ANGPT2: variants seen among roughly 807,000 people sequenced by gnomAD.
The protein encoded by ANGPT2 is angiopoietin-2.
Under a neutral mutation model 62.9 loss-of-function variants are expected in ANGPT2, and 28 were observed. That is an observed-to-expected ratio of 0.44 (90% CI 0.33 to 0.61). ANGPT2 has a LOEUF of 0.61. Among genes scored for constraint, ANGPT2 ranks in the 20% least tolerant of loss-of-function variants. The probability of loss-of-function intolerance (pLI) is 0.03; values close to 1 mark genes in which losing one functional copy is unlikely to be tolerated. For missense variants in ANGPT2, 727 were observed against 594.9 expected, an observed-to-expected ratio of 1.22 and a Z score of -2.31; for synonymous variants, 284 against 207.8, an observed-to-expected ratio of 1.37 and a Z score of -3.15.
intron 1 of ANGPT2, among the ~76,000 whole-genome samples, chr8:6,551,920 T>C (rs1823717718): frequency 6.6e-6 from 1 of 152,212 alleles, no homozygotes; most frequent in African/African-American, 2.4e-5. Context: ...ATGTAATAAT[T>C]TTTTGAGATT....
At chr8:6,516,081 C>T (rs1173754706) in intron 5 of ANGPT2, among the ~76,000 whole-genome samples, 1 of 152,144 alleles carries the variant, frequency 6.6e-6, no homozygotes, top group Non-Finnish European at 1.5e-5. Context: ...GTATTGCCTT[C>T]CCCAGTGGCA....
At chr8:6,560,322 GTAATGATAACCCTTTAACTGTGTGGCTT>G (rs1825331825) in intron 1 of ANGPT2, among the ~76,000 whole-genome samples, 1 of 152,196 alleles carries the variant, frequency 6.6e-6, no homozygotes, top group African/African-American at 2.4e-5. Flanking sequence ...GTGTTAGGTT[GTAATGATAACCCTTTAACTGTGTGGCTT>G]ATCTCTCATT....
chr8:6,532,410 A>G lies in ANGPT2; in HGVS notation c.366T>C (p.Ala122=). 1.2e-6 allele frequency: 2 copies of G among 1,614,040 alleles called. No homozygotes were observed. The change falls in exon 2 of 9, where the codon GCT becomes GCC. Residue 122 remains alanine (A), a synonymous_variant. Coordinates refer to ENST00000629816, the MANE Select transcript of ANGPT2 (RefSeq NM_001118887.2). The part of the protein sequence containing the change: ...IQQNAVQNQT[A]VMIEIGTNLL... The stretch of plus-strand genomic sequence containing the variant: ...GGTTTGTCCCTATTTCTATCATCAC[A>G]GCCGTCTGGTTCTGTACTGCATTCT...
chr8:6,559,973 T>C (rs898263621), intron 1 of ANGPT2, among the ~76,000 whole-genome samples: 1 of 152,248 alleles, frequency 6.6e-6, no homozygotes, highest in Non-Finnish European at 1.5e-5. Flanking sequence ...GCCGGACAGA[T>C]TAAAGGGGCA....
intron 1 of ANGPT2, 38 bp downstream of exon 1, chr8:6,562,609 A>G (rs776581031): frequency 8.7e-7 from 1 of 1,142,866 alleles, no homozygotes; most frequent in East Asian, 4.6e-5. Flanking sequence ...GCTGATCTTA[A>G]TAGCATGTTC....
At chr8:6,540,755 A>C (rs1586495615) in intron 1 of ANGPT2, among the ~76,000 whole-genome samples, 1 of 152,286 alleles carries the variant, frequency 6.6e-6, no homozygotes, top group East Asian at 1.9e-4. Context: ...AGACAAAGGC[A>C]GGCATGCAGG....
In ANGPT2 at chr8:6,513,861, TAA is replaced by T; in HGVS notation, c.1030-19_1030-18del. The T allele has an allele frequency of 6.3e-7, 1 of 1,589,014 alleles. No homozygotes were observed. The highest frequency in any genetic ancestry group is 8.6e-7 in the Non-Finnish European group (1 of 1,168,486). ...ACCAAATCCCTGTAATGCAAGTTGT[TAA>T]ATTCAATTATTTCATGTAATTTTTT... On this transcript the variant is annotated intron_variant, in intron 6 of 8. Transcript: ENST00000629816.
chr8:6,525,027 A>G (rs886442454), intron 3 of ANGPT2, among the ~76,000 whole-genome samples: 1 of 152,242 alleles, frequency 6.6e-6, no homozygotes, highest in East Asian at 1.9e-4. Context: ...AAATGAAGGC[A>G]TTCGATTTCA....
At chr8:6,542,699 G>C (rs1279372628) in intron 1 of ANGPT2, among the ~76,000 whole-genome samples, 3 of 151,832 alleles carry the variant, frequency 2.0e-5, no homozygotes, top group Non-Finnish European at 4.4e-5. Context: ...TCTCCTCTCT[G>C]CCCTGTTTTT....
intron 1 of ANGPT2, among the ~76,000 whole-genome samples, chr8:6,534,156 C>T (rs1359767871): frequency 6.6e-6 from 1 of 152,018 alleles, no homozygotes; most frequent in Non-Finnish European, 1.5e-5. Context: ...GTCAGCCCTC[C>T]ATCTGTGGCC....
At position 6,558,998 on chromosome 8, in the gene ANGPT2, T is replaced by A. The variant is rs2129575599; in HGVS notation, c.288+3649A>T. On this transcript the variant is annotated intron_variant, in intron 1 of 8. Coordinates refer to ENST00000629816, the MANE Select transcript of ANGPT2 (RefSeq NM_001118887.2). ...GTGAAACTGTCTCTTCTACATTCCT[T>A]ACTGCATTCCTTACTATATAGTAAT... 1.3e-5 allele frequency among the ~76,000 whole-genome samples: 2 copies of A among 152,278 alleles called. 1 individual carries two copies. Among genetic ancestry groups the A allele is most frequent in the South Asian group, 4.1e-4 (2 of 4,824 alleles).
intron 1 of ANGPT2, among the ~76,000 whole-genome samples, chr8:6,549,961 C>T (rs1207102794): frequency 1.4e-4 from 21 of 152,192 alleles, no homozygotes; most frequent in Admixed American, 7.8e-4. Flanking sequence ...GCCATGCCAG[C>T]AGCTAGATCC....
At chr8:6,534,959 C>G (rs1820224922) in intron 1 of ANGPT2, among the ~76,000 whole-genome samples, 1 of 152,124 alleles carries the variant, frequency 6.6e-6, no homozygotes, top group Non-Finnish European at 1.5e-5. Context: ...TGTGTGTCAC[C>G]CAGAGGCACT....
intron 1 of ANGPT2, among the ~76,000 whole-genome samples, chr8:6,559,340 C>T (rs866845573): frequency 4.6e-5 from 7 of 152,044 alleles, no homozygotes; most frequent in South Asian, 2.1e-4. Flanking sequence ...CTCCCAGTGA[C>T]GGCAGCTATG....
intron 2 of ANGPT2, among the ~76,000 whole-genome samples, chr8:6,528,205 C>A (rs1818753848): frequency 6.6e-6 from 1 of 152,140 alleles, no homozygotes. Context: ...GCCGTTATGT[C>A]TCTATCTTGG....
chr8:6,530,310 C>A (rs897420087), intron 2 of ANGPT2, among the ~76,000 whole-genome samples: 7 of 152,032 alleles, frequency 4.6e-5, no homozygotes, highest in African/African-American at 4.8e-5. Context: ...GAGTTCGAGA[C>A]CAGCCTGGCC....
chr8:6,526,539 G>T (rs913739667), intron 3 of ANGPT2, among the ~76,000 whole-genome samples: 1 of 152,104 alleles, frequency 6.6e-6, no homozygotes, highest in Non-Finnish European at 1.5e-5. Context: ...TCTGAAACAT[G>T]AAAGAAAAAT....
chr8:6,552,815 C>CTT (rs57835088), intron 1 of ANGPT2, among the ~76,000 whole-genome samples: 17,014 of 146,196 alleles, frequency 0.12, 2,607 homozygotes, highest in African/African-American at 0.36. Flanking sequence ...GTTATTCCTG[C>CTT]TTTTTTTTTT....
chr8:6,510,793 T>C (rs2442633), intron 7 of ANGPT2, among the ~76,000 whole-genome samples: 66,308 of 152,046 alleles, frequency 0.44, 14,738 homozygotes, highest in Middle Eastern at 0.53. Flanking sequence ...TGTGGAGTTC[T>C]GTAAGTGTTG....
Sources: allele counts gnomAD v4.1 joint callset (sites outside exome capture counted in the v4.1 genomes callset), GRCh38; gene constraint gnomAD v4.1.1; transcripts MANE v1.5; gene names NCBI Gene and HGNC (gene_info 2026-07-23, HGNC 2026-07-21).